Variants in FHIP2B observed in about 807,000 individuals in gnomAD.
The protein encoded by FHIP2B is FHF complex subunit HOOK interacting protein 2B.
FHIP2B carries 72 observed loss-of-function variants against 84.0 expected under a neutral mutation model. The ratio of observed to expected loss-of-function variants is 0.86; its 90% CI spans 0.71 to 1.04. The LOEUF is 1.04. Among genes scored for constraint, FHIP2B ranks in the 50% least tolerant of loss-of-function variants. The probability of loss-of-function intolerance (pLI) is 0.00; values close to 1 mark genes in which losing one functional copy is unlikely to be tolerated. For synonymous variants in FHIP2B, 497 were observed against 418.7 expected, an observed-to-expected ratio of 1.19 and a Z score of -2.28; for missense variants, 972 against 968.9, an observed-to-expected ratio of 1.00 and a Z score of -0.04.
intron 12 of FHIP2B, 23 bp downstream of exon 12, chr8:22,100,995 T>C (rs565938389): frequency 1.2e-6 from 2 of 1,608,634 alleles, no homozygotes; most frequent in Non-Finnish European, 1.7e-6. Context: ...TTAGGCAGTC[T>C]GAACCACTTG....
chr8:22,089,879 G>A, intron 1 of FHIP2B: 1 of 1,256,386 alleles, frequency 8.0e-7, no homozygotes, highest in Non-Finnish European at 1.0e-6. Context: ...CAGGCTGGTG[G>A]GCCCCCAGCC....
rs1826253335 is a variant in FHIP2B at position 22,103,750 on chromosome 8, C to A, written c.*819C>A. The A allele has an allele frequency of 6.6e-6, 1 of 152,364 alleles. No homozygotes were observed. Among genetic ancestry groups the A allele is most frequent in the African/African-American group, 2.4e-5 (1 of 41,448 alleles). The allele number at this position is 152,364 out of a possible 1,614,324, so 9.4% of individuals were successfully genotyped here. On this transcript the variant is annotated 3_prime_UTR_variant, in exon 17 of 17. Transcript: ENST00000289921. ...TCCCTTCTGCCCAGGGCCCAGTGTT[C>A]TTGATAGAAGACCCTTCTGGGGAGC...
At chr8:22,098,712 G>A in intron 7 of FHIP2B, 93 bp downstream of exon 7, 2 of 1,314,970 alleles carry the variant, frequency 1.5e-6, no homozygotes, top group Non-Finnish European at 1.0e-6. Context: ...GTTCCACGTT[G>A]CTAGGGACCC....
At chr8:22,089,390 C>A in intron 1 of FHIP2B, 92 bp downstream of exon 1, 1 of 714,300 alleles carries the variant, frequency 1.4e-6, no homozygotes, top group Non-Finnish European at 1.7e-6. Context: ...CGCAGGAGGG[C>A]GGGCGGGCGC....
At position 22,089,664 on chromosome 8, in the gene FHIP2B, C is replaced by T. The variant is rs551956850; in HGVS notation, c.45+366C>T. 5.1e-6 allele frequency: 4 copies of T among 787,224 alleles called. No individual in the cohort carries two copies. In the Admixed American group the frequency reaches 7.5e-5, roughly 15 times the overall value. The allele number at this position is 787,224 out of a possible 1,614,324, so 48.8% of individuals were successfully genotyped here. ...CCCGGGGCCCTAGGCCGCCTCCCCC[C>T]AGTCCCGGTGGGCCTGCCTCCTTCC... is the stretch of plus-strand genomic sequence containing the variant. On this transcript the variant is annotated intron_variant, in intron 1 of 16. Transcript: ENST00000289921.
chr8:22,102,400 T>C, intron 15 of FHIP2B, 85 bp downstream of exon 15: 2 of 742,612 alleles, frequency 2.7e-6, no homozygotes, highest in African/African-American at 2.0e-5. Context: ...GGTTGGGGGC[T>C]GGAGGGGTGG....
At position 22,099,776 on chromosome 8, in the gene FHIP2B, G is replaced by A; in HGVS notation, c.1224G>A (p.Leu408=). The A allele has an allele frequency of 2.5e-6, 4 of 1,612,210 alleles. No homozygotes were observed. Among genetic ancestry groups the A allele is most frequent in the Non-Finnish European group, 3.4e-6 (4 of 1,179,682 alleles). ...TGCGCCAGCTTCGCTCCCCTGCGCT[G>A]CTGCGGGAGGCCGTGGCTTTCCTCC... The part of the protein sequence containing the change: ...AMLRQLRSPA[L]LREAVAFLLG... Residue 408 remains leucine, a synonymous_variant, in exon 10 of 17, where the codon CTG becomes CTA. Coordinates refer to ENST00000289921, the MANE Select transcript of FHIP2B (RefSeq NM_022749.7).
chr8:22,097,854 C>A lies in FHIP2B; in HGVS notation c.525+15C>A, dbSNP rs377355852. On this transcript the variant is annotated intron_variant, in intron 5 of 16. Transcript: ENST00000289921. ...ACATCCTGGAAGTGAGCACTCTGAT[C>A]GGGAACAGGAGGGGGAGGGCCCAGA... 1 of 1,610,592 alleles carries A rather than the reference C, an allele frequency of 6.2e-7. No individual in the cohort carries two copies. The highest frequency in any genetic ancestry group is 8.5e-7 in the Non-Finnish European group (1 of 1,177,986).
chr8:22,092,662 G>C (rs57474974), intron 1 of FHIP2B, among the ~76,000 whole-genome samples: 2,479 of 150,292 alleles, frequency 0.016, 61 homozygotes, highest in African/African-American at 0.056. Context: ...AGACTTCTTG[G>C]CTTGGCATTA....
intron 13 of FHIP2B, 54 bp downstream of exon 13, chr8:22,101,584 C>CATA (rs1480142237): frequency 1.3e-6 from 2 of 1,577,584 alleles, no homozygotes; most frequent in Admixed American, 3.6e-5. Context: ...ACAGCTGGGT[C>CATA]ATAAGCTCTG....
At chr8:22,096,634 C>T (rs1005681210) in intron 3 of FHIP2B, 125 bp downstream of exon 3, 3 of 1,342,682 alleles carry the variant, frequency 2.2e-6, no homozygotes, top group Non-Finnish European at 2.9e-6. Flanking sequence ...GAGTGCTGGG[C>T]CAGGCTGAGG....
At chr8:22,096,174 A>G in intron 2 of FHIP2B, 163 bp from the exon 3 acceptor site, 3 of 645,034 alleles carry the variant, frequency 4.7e-6, no homozygotes, top group Non-Finnish European at 7.8e-6. Flanking sequence ...TAAATATTGA[A>G]GCATTCACTG....
rs540099387 is a variant in FHIP2B, at chr8:22,102,648, G to A, written c.2093+20G>A. 1.6e-5 allele frequency: 25 copies of A among 1,564,154 alleles called. No homozygotes were observed. In the South Asian group the frequency reaches 2.0e-4, roughly 12 times the overall value. On this transcript the variant is annotated intron_variant, in intron 16 of 16. Transcript: ENST00000289921. ...GGAGCAGTGAGTACCAAGGGTGCCA[G>A]GTGAAGCCTTGGGGTGGGAGAGTGG...
At chr8:22,096,548 G>A in intron 3 of FHIP2B, 39 bp downstream of exon 3, 1 of 1,477,758 alleles carries the variant, frequency 6.8e-7, no homozygotes, top group Non-Finnish European at 9.0e-7. Flanking sequence ...GCCGAGGTGG[G>A]AGGCCTCTGC....
Position 22,099,817 on chromosome 8 carries a change from A to T in FHIP2B, c.1265A>T (p.Gln422Leu), listed in dbSNP as rs748717948. The change falls in exon 10 of 17, where the codon CAG becomes CTG. Residue 422 changes from glutamine to leucine, a missense_variant. Gln to Leu is a moderately radical substitution (Grantham distance 113). Coordinates refer to ENST00000289921, the MANE Select transcript of FHIP2B (RefSeq NM_022749.7). ...AVAFLLGTDR[Q>L]PEAPGDNPHT... The stretch of plus-strand genomic sequence containing the variant: ...GCTTTCCTCCTGGGCACAGACCGGC[A>T]GCCTGAAGCCCCCGGGGACAACCCC... The T allele has an allele frequency of 6.2e-7, 1 of 1,613,118 alleles. No individual in the cohort carries two copies. The highest frequency in any genetic ancestry group is 1.7e-5 in the Admixed American group (1 of 59,776).
chr8:22,099,230 TC>T lies in FHIP2B; in HGVS notation c.1075-53del, dbSNP rs1825964027. ...GGCGCCGCGCAAGAACACGGTTATT[TC>T]TCAGCTGGAATTGTAATGAGGGCAA... On this transcript the variant is annotated intron_variant, in intron 8 of 16. Transcript: ENST00000289921. 5.0e-6 allele frequency: 8 copies of T among 1,598,924 alleles called. No individual in the cohort carries two copies. The South Asian group carries it at 9.0e-5, about 18-fold the overall frequency.
At position 22,102,956 on chromosome 8, in the gene FHIP2B, T is replaced by C; in HGVS notation, c.*25T>C. On this transcript the variant is annotated 3_prime_UTR_variant, in exon 17 of 17. Transcript: ENST00000289921. Reference sequence around the variant, plus strand: ...AGCCAGCACCAGGGCGGTGGGAGACTCCTGTCCACACCTCTGCCCCAGAGC... The same window carrying C: ...AGCCAGCACCAGGGCGGTGGGAGACCCCTGTCCACACCTCTGCCCCAGAGC... 1 of 1,608,662 alleles carries C rather than the reference T, an allele frequency of 6.2e-7. No individual in the cohort carries two copies. The highest frequency in any genetic ancestry group is 8.5e-7 in the Non-Finnish European group (1 of 1,177,702).
At chr8:22,096,572 C>T in intron 3 of FHIP2B, 63 bp downstream of exon 3, 1 of 1,433,572 alleles carries the variant, frequency 7.0e-7, no homozygotes, top group Non-Finnish European at 9.2e-7. Flanking sequence ...CTTGGCCAGG[C>T]CGAGGTGGGA....
Position 22,098,475 on chromosome 8 carries a change from T to C in FHIP2B, c.821T>C (p.Met274Thr). Residue 274 changes from methionine (M) to threonine (T), a missense_variant, in exon 7 of 17, where the codon ATG (methionine) becomes ACG (threonine). Physicochemically the swap from Met to Thr is moderately conservative, Grantham distance 81 (BLOSUM62 -1). Transcript: ENST00000289921. ...GAGAACCTGCTGCTCCTGGTGAGCA[T>C]GGCCTCCCCAGCAGCTGCCACCTAC... The part of the protein sequence containing the change: ...AQENLLLLVS[M>T]ASPAAATYLV... 6.2e-7 allele frequency: 1 copy of C among 1,612,136 alleles called. No homozygotes were observed. The highest frequency in any genetic ancestry group is 1.3e-5 in the African/African-American group (1 of 74,956).
Sources: allele counts gnomAD v4.1 joint callset (sites outside exome capture counted in the v4.1 genomes callset), GRCh38; gene constraint gnomAD v4.1.1; transcripts MANE v1.5; gene names NCBI Gene and HGNC (gene_info 2026-07-23, HGNC 2026-07-21).